Variants in MICAL3 observed in about 807,000 individuals in gnomAD.
The protein encoded by MICAL3 is microtubule associated monooxygenase, calponin and LIM domain containing 3.
In MICAL3, 62 loss-of-function variants were observed where a neutral mutation model predicts 207.4. The observed-to-expected ratio is 0.30, with a 90% CI of 0.24 to 0.37. The LOEUF (loss-of-function observed/expected upper bound fraction) is 0.37. Among genes scored for constraint, MICAL3 ranks in the 10% least tolerant of loss-of-function variants. The pLI, the probability that MICAL3 is intolerant of heterozygous loss-of-function variation, is 1.00. For missense variants in MICAL3, 2,368 were observed against 2,635.6 expected (o/e 0.90, Z 2.22); for synonymous variants, 1,077 against 1,069.3 (o/e 1.01, Z -0.14).
intron 16 of MICAL3, among the ~76,000 whole-genome samples, chr22:17,879,685 T>C (rs1929240864): frequency 6.6e-6 from 1 of 152,210 alleles, no homozygotes; most frequent in African/African-American, 2.4e-5. Context: ...AGCATATTTC[T>C]TTCACACAGT....
intron 1 of MICAL3, among the ~76,000 whole-genome samples, chr22:17,917,381 C>A (rs902575996): frequency 4.6e-5 from 7 of 152,116 alleles, no homozygotes; most frequent in African/African-American, 1.7e-4. Flanking sequence ...CAAAACCTTG[C>A]CCCCGTCTGC....
chr22:17,791,410 A>G, intron 29 of MICAL3, 109 bp from the exon 30 acceptor site: 1 of 957,206 alleles, frequency 1.0e-6, no homozygotes, highest in Non-Finnish European at 1.6e-6. Flanking sequence ...TGCTGCCGGA[A>G]CTTCCACTCC....
chr22:17,986,881 T>C (rs1921074442), intron 1 of MICAL3, among the ~76,000 whole-genome samples: 1 of 152,168 alleles, frequency 6.6e-6, no homozygotes, highest in African/African-American at 2.4e-5. Flanking sequence ...ATTTCCAAAG[T>C]AGATTACACC....
chr22:17,946,229 C>A (rs926786833), intron 1 of MICAL3, among the ~76,000 whole-genome samples: 6 of 152,184 alleles, frequency 3.9e-5, no homozygotes, highest in African/African-American at 1.4e-4. Flanking sequence ...GAGAAGACTG[C>A]ACTTTCCCTG....
chr22:18,000,182 A>G (rs1922775969), intron 1 of MICAL3, among the ~76,000 whole-genome samples: 2 of 151,840 alleles, frequency 1.3e-5, no homozygotes, highest in Non-Finnish European at 2.9e-5. Context: ...CCAAATACAC[A>G]TTGGTGGCCT....
At chr22:17,901,079 A>G in intron 5 of MICAL3, 82 bp from the exon 6 acceptor site, 1 of 1,374,354 alleles carries the variant, frequency 7.3e-7, no homozygotes, top group East Asian at 2.3e-5. Flanking sequence ...GGTGCTGATA[A>G]AGACAACAGG....
At position 17,817,344 on chromosome 22, in the gene MICAL3, C is replaced by T. The variant is rs758475176; in HGVS notation, c.5317G>A (p.Gly1773Arg). The T allele has an allele frequency of 3.1e-6, 5 of 1,608,186 alleles. No individual in the cohort carries two copies. The African/African-American group carries it at 5.3e-5, about 17-fold the overall frequency. The change falls in exon 26 of 32, where the codon GGA becomes AGA. Residue 1773 changes from glycine to arginine, a missense_variant. Around this residue, in one of 4 missense-constraint regions of MICAL3, gnomAD observed 1,770 missense variants for 1,863.2 expected, o/e 0.95. Transcript: ENST00000441493. ...ACGACGGGAAGCACCCTGTGCTTTC[C>T]AGAGTCCACCGTGGCCCCGCTGGAG... Reference protein sequence around the residue: ...TPSSGATVDSGKHRVLPVVRA... With the variant: ...TPSSGATVDSRKHRVLPVVRA...
At chr22:17,963,507 G>C (rs970896553) in intron 1 of MICAL3, among the ~76,000 whole-genome samples, 1 of 152,000 alleles carries the variant, frequency 6.6e-6, no homozygotes, top group African/African-American at 2.4e-5. Flanking sequence ...ACACGTGATG[G>C]GCCTCCGTCG....
intron 17 of MICAL3, among the ~76,000 whole-genome samples, chr22:17,866,549 T>C (rs570013597): frequency 6.6e-6 from 1 of 151,142 alleles, no homozygotes; most frequent in African/African-American, 2.4e-5. Context: ...GGAAAGGACA[T>C]TAGAAGACAA....
At chr22:17,957,144 T>C (rs1330589169) in intron 1 of MICAL3, among the ~76,000 whole-genome samples, 1 of 151,966 alleles carries the variant, frequency 6.6e-6, no homozygotes, top group African/African-American at 2.4e-5. Context: ...ACCTTAAGGA[T>C]GAGAAAGCTA....
At chr22:17,933,739 A>C (rs1933382928) in intron 1 of MICAL3, among the ~76,000 whole-genome samples, 1 of 152,206 alleles carries the variant, frequency 6.6e-6, no homozygotes, top group South Asian at 2.1e-4. Flanking sequence ...AAGATTAATA[A>C]AGAAGAAAAG....
chr22:17,809,596 C>T (rs1010394841), intron 28 of MICAL3, among the ~76,000 whole-genome samples: 5 of 152,202 alleles, frequency 3.3e-5, no homozygotes, highest in African/African-American at 9.7e-5. Flanking sequence ...CGCCACTGCG[C>T]GTCCAGCCTG....
rs376308703 is a variant in MICAL3, at chr22:17,980,859, G to A, written c.-75+43422C>T. ...TGCTGGCCCGTCACCCTCAGTTCCT[G>A]CTCAACTGCACCCTCACTTCCGACT... On this transcript the variant is annotated intron_variant, in intron 1 of 31. Transcript: ENST00000441493. 1.9e-4 allele frequency: 98 copies of A among 526,194 alleles called. 1 individual carries two copies. The highest frequency in any genetic ancestry group is 1.7e-3 in the African/African-American group (88 of 51,960). 32.6% of individuals were successfully genotyped at this position (526,194 alleles called of 1,614,324 possible).
At chr22:17,911,385 T>C (rs1259467797) in intron 1 of MICAL3, among the ~76,000 whole-genome samples, 2 of 151,936 alleles carry the variant, frequency 1.3e-5, no homozygotes, top group Non-Finnish European at 2.9e-5. Flanking sequence ...TTCAAGAGTA[T>C]GGCATCAGAG....
intron 27 of MICAL3, chr22:17,814,425 T>C (rs2062080636): frequency 6.6e-6 from 1 of 152,234 alleles, no homozygotes; most frequent in African/African-American, 2.4e-5. Flanking sequence ...TATATAACTT[T>C]CCTACATAAA....
At chr22:17,801,855 C>G (rs1335629604) in intron 29 of MICAL3, among the ~76,000 whole-genome samples, 1 of 151,992 alleles carries the variant, frequency 6.6e-6, no homozygotes, top group Non-Finnish European at 1.5e-5. Context: ...AATCGCGCCA[C>G]TGCATTCCAG....
intron 19 of MICAL3, among the ~76,000 whole-genome samples, chr22:17,847,620 C>T (rs975683136): frequency 6.6e-6 from 1 of 152,076 alleles, no homozygotes; most frequent in Non-Finnish European, 1.5e-5. Flanking sequence ...AGGGGCCGAC[C>T]GTGACCACCT....
intron 12 of MICAL3, among the ~76,000 whole-genome samples, chr22:17,889,771 CCCT>C (rs1341748821): frequency 6.6e-6 from 1 of 152,156 alleles, no homozygotes; most frequent in Admixed American, 6.5e-5. Context: ...TGTGCCACTG[CCCT>C]CTATCCTGGG....
At chr22:17,990,691 G>A (rs1398943930) in intron 1 of MICAL3, among the ~76,000 whole-genome samples, 1 of 152,160 alleles carries the variant, frequency 6.6e-6, no homozygotes, top group Non-Finnish European at 1.5e-5. Context: ...CATTTACCGG[G>A]TGAGAGATCT....
Sources: gnomAD v4.1 joint callset for allele counts (sites outside exome capture counted in the v4.1 genomes callset) on GRCh38, gnomAD v4.1.1 for gene constraint, gnomAD v4.1.1 regional missense constraint, MANE v1.5 for transcripts, NCBI Gene and HGNC (gene_info 2026-07-23, HGNC 2026-07-21) for gene names.